The following LCA5 variants were observed in gnomAD, a reference collection of about 807,000 sequenced individuals.
The protein encoded by LCA5 is lebercilin LCA5.
A neutral mutation model predicts 53.0 loss-of-function variants in LCA5; 37 were observed. That is an observed-to-expected ratio of 0.70 (90% CI 0.54 to 0.92). LCA5 has a LOEUF of 0.92. Ranked by LOEUF, LCA5 falls within the 40% of genes least tolerant of loss-of-function variation. The pLI, the probability that LCA5 is intolerant of heterozygous loss-of-function variation, is 0.00. For missense variants in LCA5, 806 were observed against 790.5 expected, an observed-to-expected ratio of 1.02 and a Z score of -0.23; for synonymous variants, 303 against 282.9, an observed-to-expected ratio of 1.07 and a Z score of -0.71.
intron 1 of LCA5, among the ~76,000 whole-genome samples, chr6:79,535,363 C>G (rs891343626): frequency 1.3e-5 from 2 of 152,080 alleles, no homozygotes; most frequent in Non-Finnish European, 2.9e-5. Flanking sequence ...GGCAGGAAAG[C>G]TGGAGGAAGA....
At chr6:79,498,515 C>T (rs575285774) in intron 3 of LCA5, among the ~76,000 whole-genome samples, 19 of 152,004 alleles carry the variant, frequency 1.2e-4, no homozygotes, top group Non-Finnish European at 1.6e-4. Flanking sequence ...TCCAGCAAGA[C>T]CCAGTAAAAT....
intron 2 of LCA5, among the ~76,000 whole-genome samples, chr6:79,517,897 C>T (rs1478455658): frequency 6.6e-6 from 1 of 152,078 alleles, no homozygotes; most frequent in Admixed American, 6.6e-5. Flanking sequence ...CTTTTCCACC[C>T]ACAATTTTAC....
At chr6:79,520,665 T>G (rs111519812) in intron 1 of LCA5, among the ~76,000 whole-genome samples, 2 of 152,192 alleles carry the variant, frequency 1.3e-5, no homozygotes, top group Non-Finnish European at 1.5e-5. Flanking sequence ...CTATTGTAAG[T>G]AGAAAACTAA....
intron 1 of LCA5, among the ~76,000 whole-genome samples, chr6:79,530,105 T>G (rs1043062856): frequency 6.6e-6 from 1 of 151,998 alleles, no homozygotes; most frequent in African/African-American, 2.4e-5. Flanking sequence ...TGAAGTATAA[T>G]AAAAATATAT....
At chr6:79,491,448 C>CT in intron 6 of LCA5, 140 bp downstream of exon 6, 1 of 864,246 alleles carries the variant, frequency 1.2e-6, no homozygotes, top group East Asian at 2.6e-5. Context: ...CACGATACCT[C>CT]TTTCCCTTCA....
At chr6:79,513,091 TA>T in intron 3 of LCA5, 120 bp downstream of exon 3, 2 of 991,174 alleles carry the variant, frequency 2.0e-6, no homozygotes, top group South Asian at 1.4e-5. Flanking sequence ...AAAACAGTAC[TA>T]AAAATAGTTT....
chr6:79,531,085 G>A (rs904224551), intron 1 of LCA5, among the ~76,000 whole-genome samples: 1 of 152,108 alleles, frequency 6.6e-6, no homozygotes, highest in African/African-American at 2.4e-5. Flanking sequence ...ACTGGTCTAA[G>A]ATCAGAAAGC....
intron 3 of LCA5, among the ~76,000 whole-genome samples, chr6:79,505,651 G>A (rs1582632144): frequency 6.6e-6 from 1 of 152,260 alleles, no homozygotes; most frequent in South Asian, 2.1e-4. Context: ...GGCTAACCCA[G>A]TTTGACCATT....
At chr6:79,536,590 C>G (rs1767130922) in intron 1 of LCA5, among the ~76,000 whole-genome samples, 1 of 152,188 alleles carries the variant, frequency 6.6e-6, no homozygotes, top group South Asian at 2.1e-4. Flanking sequence ...TTATTTCTAA[C>G]CATCTTTACT....
chr6:79,491,819 T>C, intron 5 of LCA5, 89 bp from the exon 6 acceptor site: 3 of 1,093,610 alleles, frequency 2.7e-6, no homozygotes, highest in Admixed American at 1.8e-5. Flanking sequence ...TATATATGCA[T>C]GTGTGTTTGC....
Position 79,495,750 on chromosome 6 carries a change from C to CAAAAA in LCA5, c.721-2005_721-2001dup, listed in dbSNP as rs10637240. 1.8e-4 allele frequency among the ~76,000 whole-genome samples: 13 copies of CAAAAA among 73,806 alleles called. No homozygotes were observed. In the South Asian group the frequency reaches 4.0e-3, roughly 22 times the overall value. The allele number at this position is 73,806 out of a possible 152,430, so 48.4% of individuals were successfully genotyped here. A position where few individuals can be genotyped will look rare whatever the true frequency, so the allele number is the denominator to read the frequency against. ...TGGGTGACAGAGCAAGACTCCATCT[C>CAAAAA]AAAAAAAAAAAAAAAAAAAGTCGGT... On this transcript the variant is annotated intron_variant, in intron 3 of 7. Coordinates refer to ENST00000369846, the MANE Select transcript of LCA5 (RefSeq NM_001122769.3).
intron 1 of LCA5, among the ~76,000 whole-genome samples, chr6:79,533,072 T>C (rs544317396): frequency 1.6e-4 from 25 of 152,272 alleles, no homozygotes; most frequent in African/African-American, 5.5e-4. Flanking sequence ...GTCACTGCCA[T>C]TGCAAAGCTG....
chr6:79,538,018 G>GTTTTTTTTTTTTTT (rs869197362), upstream of LCA5, among the ~76,000 whole-genome samples: 84 of 44,162 alleles, frequency 1.9e-3, 21 homozygotes, highest in Non-Finnish European at 2.4e-3. Flanking sequence ...TTGCACACAA[G>GTTTTTTTTTTTTTT]TTTTTTTTTT....
At chr6:79,521,027 G>A (rs1249400273) in intron 1 of LCA5, among the ~76,000 whole-genome samples, 1 of 152,148 alleles carries the variant, frequency 6.6e-6, no homozygotes, top group African/African-American at 2.4e-5. Context: ...ATGGTGGCTG[G>A]CCACATGTGG....
chr6:79,530,089 AGAACTT>A (rs1351146447), intron 1 of LCA5, among the ~76,000 whole-genome samples: 2 of 152,132 alleles, frequency 1.3e-5, no homozygotes, highest in African/African-American at 4.8e-5. Context: ...CATGTACCCT[AGAACTT>A]GAAGTATAAT....
In LCA5 at chr6:79,493,736, G is replaced by A. The variant is rs781334192; in HGVS notation, c.735C>T (p.Asn245=). Residue 245 remains asparagine (N), a synonymous_variant, in exon 4 of 8, where the codon AAC becomes AAT. Transcript: ENST00000369846. The part of the protein sequence containing the change: ...TERRIKELSK[N]LELSTNSFQR... ...GGAAACTGTTAGTACTCAGTTCAAG[G>A]TTTTTCGATAGCTCCTATATGTATA... 4.3e-5 allele frequency: 69 copies of A among 1,612,756 alleles called. No individual in the cohort carries two copies. The South Asian group carries it at 7.3e-4, about 17-fold the overall frequency.
At chr6:79,501,784 G>A (rs1448237165) in intron 3 of LCA5, among the ~76,000 whole-genome samples, 1 of 150,512 alleles carries the variant, frequency 6.6e-6, no homozygotes, top group Non-Finnish European at 1.5e-5. Flanking sequence ...GTTCTATATA[G>A]TTCTCTCTAT....
chr6:79,492,529 T>C, intron 5 of LCA5, 22 bp downstream of exon 5: 1 of 1,210,672 alleles, frequency 8.3e-7, no homozygotes, highest in Non-Finnish European at 1.2e-6. Context: ...TATCAGTTTT[T>C]GAACAATCAT....
chr6:79,489,186 C>T lies in LCA5; in HGVS notation c.1129G>A (p.Gly377Arg). Residue 377 changes from glycine to arginine, a missense_variant, in exon 7 of 8, where the codon GGA becomes AGA. Gly to Arg is a moderately radical substitution (Grantham distance 125). Transcript: ENST00000369846. ...DLQSQKQDRHGEAGILNPIME... is the reference protein window; with the variant it reads ...DLQSQKQDRHREAGILNPIME... ...ATTGGGTTTAGAATCCCTGCTTCTCCATGCCTGTCTTGCTTTTGAGATTGC... is the reference window on the plus strand; with the variant it reads ...ATTGGGTTTAGAATCCCTGCTTCTCTATGCCTGTCTTGCTTTTGAGATTGC... The T allele has an allele frequency of 1.2e-6, 2 of 1,612,392 alleles. No homozygotes were observed. The highest frequency in any genetic ancestry group is 2.2e-5 in the South Asian group (2 of 91,060).
Sources: gnomAD v4.1 joint callset for allele counts (sites outside exome capture counted in the v4.1 genomes callset) on GRCh38, gnomAD v4.1.1 for gene constraint, MANE v1.5 for transcripts, NCBI Gene and HGNC (gene_info 2026-07-23, HGNC 2026-07-21) for gene names.